The following CYP4Z1 variants were observed in gnomAD, a reference collection of about 807,000 sequenced individuals.
CYP4Z1 encodes the protein cytochrome P450 family 4 subfamily Z member 1, also known as cytochrome P450 4Z1.
A neutral mutation model predicts 54.2 loss-of-function variants in CYP4Z1; 41 were observed. The ratio of observed to expected loss-of-function variants is 0.76; its 90% CI spans 0.59 to 0.98. The LOEUF is 0.98. CYP4Z1 is among the 50% of genes least tolerant of loss of function. The probability of loss-of-function intolerance (pLI) is 0.00; values close to 1 mark genes in which losing one functional copy is unlikely to be tolerated. For synonymous variants in CYP4Z1, 163 were observed against 206.2 expected, an observed-to-expected ratio of 0.79 and a Z score of 1.79; for missense variants, 513 against 599.0, an observed-to-expected ratio of 0.86 and a Z score of 1.50.
intron 6 of CYP4Z1, among the ~76,000 whole-genome samples, chr1:47,091,868 T>C (rs543670992): frequency 1.3e-5 from 2 of 149,898 alleles, no homozygotes; most frequent in East Asian, 4.2e-4. Context: ...TTTCCTGATA[T>C]GCCCCTTCCG....
intron 11 of CYP4Z1, among the ~76,000 whole-genome samples, chr1:47,117,541 A>G (rs1360523278): frequency 6.6e-6 from 1 of 152,092 alleles, no homozygotes; most frequent in African/African-American, 2.4e-5. Flanking sequence ...ACTTGAGATC[A>G]GGAATTTGAG....
chr1:47,076,777 G>A (rs1432613050), intron 2 of CYP4Z1, among the ~76,000 whole-genome samples: 9 of 145,388 alleles, frequency 6.2e-5, no homozygotes, highest in Admixed American at 1.4e-4. Context: ...CCCAGGAGGC[G>A]GACCTTGCAG....
intron 7 of CYP4Z1, chr1:47,097,139 A>G (rs968486796): frequency 7.2e-5 from 11 of 152,156 alleles, no homozygotes; most frequent in African/African-American, 1.7e-4. Context: ...AAACGACATG[A>G]TCTCATTCCT....
chr1:47,116,081 G>A (rs1239185349), intron 10 of CYP4Z1, among the ~76,000 whole-genome samples: 1 of 152,078 alleles, frequency 6.6e-6, no homozygotes, highest in African/African-American at 2.4e-5. Flanking sequence ...GGGCCTGGGA[G>A]AGAACAAGCA....
At chr1:47,115,933 T>A (rs537848427) in intron 10 of CYP4Z1, among the ~76,000 whole-genome samples, 2 of 152,310 alleles carry the variant, frequency 1.3e-5, no homozygotes, top group Admixed American at 1.3e-4. Context: ...ATTGCAAATC[T>A]CTTGTTACTG....
rs972202531 is a variant in CYP4Z1, at chr1:47,091,781, T to G, written c.773-2785T>G. 1.1e-4 allele frequency among the ~76,000 whole-genome samples: 16 copies of G among 149,954 alleles called. No individual in the cohort carries two copies. In the South Asian group the frequency reaches 1.8e-3, roughly 16 times the overall value. ...CTTTTTTTTGCTAGTAGAGCTGTTA[T>G]GACGATGGTTTGGAAACACGTGTAA... On this transcript the variant is annotated intron_variant, in intron 6 of 11. Coordinates refer to ENST00000334194, the MANE Select transcript of CYP4Z1 (RefSeq NM_178134.3).
chr1:47,106,744 CAT>C (rs1478142793), intron 9 of CYP4Z1, among the ~76,000 whole-genome samples: 1 of 152,138 alleles, frequency 6.6e-6, no homozygotes, highest in African/African-American at 2.4e-5. Context: ...GTAGCCAGAT[CAT>C]AGAGTTTTCT....
chr1:47,093,338 G>A (rs959317259), intron 6 of CYP4Z1, among the ~76,000 whole-genome samples: 7 of 151,976 alleles, frequency 4.6e-5, no homozygotes, highest in Non-Finnish European at 7.4e-5. Flanking sequence ...ACCTATGGTC[G>A]AAGGCGTGGT....
chr1:47,097,869 G>A (rs1330633181), intron 7 of CYP4Z1, among the ~76,000 whole-genome samples: 1 of 147,930 alleles, frequency 6.8e-6, no homozygotes, highest in Non-Finnish European at 1.5e-5. Flanking sequence ...AGGCTGGAGT[G>A]CAGTGGTGTG....
At chr1:47,103,185 C>CA (rs1557631942) in intron 8 of CYP4Z1, among the ~76,000 whole-genome samples, 1 of 146,618 alleles carries the variant, frequency 6.8e-6, no homozygotes. Context: ...TGTTCAGTTC[C>CA]TTTTTTTTTT....
intron 2 of CYP4Z1, among the ~76,000 whole-genome samples, chr1:47,072,713 G>C (rs1644490974): frequency 8.0e-6 from 1 of 125,566 alleles, no homozygotes; most frequent in Non-Finnish European, 1.7e-5. Context: ...TATTACTCAT[G>C]GCATAATAGG....
chr1:47,098,521 T>C (rs1425198591), intron 7 of CYP4Z1, among the ~76,000 whole-genome samples: 2 of 152,366 alleles, frequency 1.3e-5, no homozygotes, highest in Non-Finnish European at 2.9e-5. Flanking sequence ...GTAATACTAC[T>C]ATTTTCCTTC....
intron 6 of CYP4Z1, among the ~76,000 whole-genome samples, 169 bp from the exon 7 acceptor site, chr1:47,094,397 A>AT (rs1156331851): frequency 3.3e-5 from 5 of 152,130 alleles, no homozygotes; most frequent in Non-Finnish European, 7.4e-5. Context: ...GGATGGGACG[A>AT]TTTTTTTAAA....
intron 11 of CYP4Z1, 104 bp downstream of exon 11, chr1:47,116,836 C>A (rs1644833872): frequency 8.6e-6 from 7 of 815,288 alleles, no homozygotes; most frequent in Non-Finnish European, 9.6e-6. Context: ...GCTGTTGCTC[C>A]CCATTATTTT....
chr1:47,058,588 T>A, the CYP4Z1 span, among the ~76,000 whole-genome samples: 1 of 152,134 alleles, frequency 6.6e-6, no homozygotes, highest in East Asian at 1.9e-4. Context: ...CCTAACACAA[T>A]CCTCATTCTG....
chr1:47,087,268 G>A (rs371116342), intron 6 of CYP4Z1, among the ~76,000 whole-genome samples: 1 of 151,842 alleles, frequency 6.6e-6, no homozygotes. Context: ...GGCATTGAAT[G>A]TATAAATTAC....
chr1:47,111,189 C>T (rs1396660517), intron 9 of CYP4Z1, among the ~76,000 whole-genome samples: 8 of 123,158 alleles, frequency 6.5e-5, no homozygotes, highest in Non-Finnish European at 1.3e-4. Flanking sequence ...TACACATCTG[C>T]AATTTTTTTT....
intron 10 of CYP4Z1, among the ~76,000 whole-genome samples, chr1:47,115,963 G>A (rs1308691440): frequency 2.0e-5 from 3 of 152,190 alleles, no homozygotes; most frequent in African/African-American, 4.8e-5. Context: ...AAAGTAGCAA[G>A]ATTATGGACT....
chr1:47,057,372 A>G, the CYP4Z1 span, among the ~76,000 whole-genome samples: 2 of 118,450 alleles, frequency 1.7e-5, no homozygotes, highest in African/African-American at 3.1e-5. Flanking sequence ...ATATATATAT[A>G]TATATGTATA....
Sources: allele counts gnomAD v4.1 joint callset (sites outside exome capture counted in the v4.1 genomes callset), GRCh38; gene constraint gnomAD v4.1.1; transcripts MANE v1.5; gene names NCBI Gene and HGNC (gene_info 2026-07-23, HGNC 2026-07-21).